Variants in MICU3 observed in about 807,000 individuals in gnomAD.
The protein encoded by MICU3 is mitochondrial calcium uptake 3.
In MICU3, 62 loss-of-function variants were observed where a neutral mutation model predicts 66.5. That is an observed-to-expected ratio of 0.93 (90% CI 0.76 to 1.15). The LOEUF (loss-of-function observed/expected upper bound fraction) is 1.15, where lower values mean the gene tolerates loss of function less well. Among genes scored for constraint, MICU3 ranks in the 50% most tolerant of loss-of-function variants. MICU3 has a pLI of 0.00. For missense variants in MICU3, 779 were observed against 664.4 expected (o/e 1.17, Z -1.90); for synonymous variants, 308 against 240.7 (o/e 1.28, Z -2.59).
chr8:17,058,049 C>A (rs1344082271), intron 1 of MICU3, among the ~76,000 whole-genome samples: 1 of 152,096 alleles, frequency 6.6e-6, no homozygotes, highest in East Asian at 1.9e-4. Flanking sequence ...GGGGTTTCAC[C>A]ATGTTGGCCA....
At chr8:17,119,357 G>C (rs1216430746) in intron 14 of MICU3, among the ~76,000 whole-genome samples, 3 of 151,864 alleles carry the variant, frequency 2.0e-5, no homozygotes, top group African/African-American at 4.8e-5. Context: ...TAATCTCCAA[G>C]CGAGGAGTTT....
intron 11 of MICU3, 123 bp downstream of exon 11, chr8:17,105,707 C>A: frequency 2.0e-6 from 1 of 498,944 alleles, no homozygotes; most frequent in Non-Finnish European, 3.5e-6. Context: ...GGATGTGTTT[C>A]ATTCTGTGTC....
chr8:17,116,713 G>A (rs1802716507), intron 13 of MICU3, 113 bp downstream of exon 13: 1 of 778,466 alleles, frequency 1.3e-6, no homozygotes, highest in Non-Finnish European at 1.9e-6. Context: ...AAACATGAAT[G>A]CTTTATTTGA....
At chr8:17,084,094 T>C (rs1202750515) in intron 5 of MICU3, among the ~76,000 whole-genome samples, 1 of 152,102 alleles carries the variant, frequency 6.6e-6, no homozygotes, top group Non-Finnish European at 1.5e-5. Flanking sequence ...TTGTTTACAT[T>C]AGAACTAAGA....
chr8:17,028,441 G>C (rs1563254810), intron 1 of MICU3, among the ~76,000 whole-genome samples: 1 of 152,184 alleles, frequency 6.6e-6, no homozygotes, highest in Non-Finnish European at 1.5e-5. Context: ...GTGAGTAAAG[G>C]AGCGTGATTT....
the MICU3 span, among the ~76,000 whole-genome samples, chr8:17,137,638 A>G: frequency 6.7e-6 from 1 of 149,024 alleles, no homozygotes; most frequent in South Asian, 2.1e-4. Context: ...GTGTGTAAGT[A>G]TGTCTAAGTT....
chr8:17,039,378 C>A (rs1177149208), intron 1 of MICU3, among the ~76,000 whole-genome samples: 1 of 152,112 alleles, frequency 6.6e-6, no homozygotes, highest in East Asian at 1.9e-4. Context: ...GTTACATAGA[C>A]ATGAAATTGA....
chr8:17,103,063 CAT>C (rs1283044970), intron 9 of MICU3, among the ~76,000 whole-genome samples: 3 of 151,924 alleles, frequency 2.0e-5, no homozygotes, highest in Non-Finnish European at 2.9e-5. Context: ...GTTTTTAAGA[CAT>C]GTGAATAATT....
intron 2 of MICU3, 51 bp downstream of exon 2, chr8:17,064,288 T>A: frequency 6.9e-7 from 1 of 1,459,504 alleles, no homozygotes; most frequent in African/African-American, 1.4e-5. Flanking sequence ...TTTTTATCTC[T>A]AGCTTGTGAA....
At chr8:17,031,831 T>C (rs139360491) in intron 1 of MICU3, among the ~76,000 whole-genome samples, 237 of 152,324 alleles carry the variant, frequency 1.6e-3, no homozygotes, top group African/African-American at 5.6e-3. Flanking sequence ...GTCAAAGACA[T>C]TGGCTCTCAA....
At chr8:17,127,227 A>G (rs1311277750), downstream of MICU3, among the ~76,000 whole-genome samples, 1 of 152,154 alleles carries the variant, frequency 6.6e-6, no homozygotes, top group Non-Finnish European at 1.5e-5. Flanking sequence ...TTTTTATGCC[A>G]TTGCTCTTTG....
chr8:17,036,519 C>T (rs892739606), intron 1 of MICU3, among the ~76,000 whole-genome samples: 1 of 152,116 alleles, frequency 6.6e-6, no homozygotes, highest in African/African-American at 2.4e-5. Flanking sequence ...GGTGCGTTTA[C>T]AATCCCTGAG....
At chr8:17,116,660 CATCT>C (rs1802708499) in intron 13 of MICU3, 60 bp downstream of exon 13, 1 of 1,187,960 alleles carries the variant, frequency 8.4e-7, no homozygotes, top group Admixed American at 2.8e-5. Context: ...GAAATCAATC[CATCT>C]AAGTTGAGAA....
At position 17,116,531 on chromosome 8, in the gene MICU3, C is replaced by A; in HGVS notation, c.1455C>A (p.Asp485Glu). The A allele has an allele frequency of 6.4e-7, 1 of 1,566,102 alleles. No individual in the cohort carries two copies. The highest frequency in any genetic ancestry group is 8.6e-7 in the Non-Finnish European group (1 of 1,162,868). The stretch of plus-strand genomic sequence containing the variant: ...CTGTCTTCAAGATTTTTGATGTTGA[C>A]AAAGATGATCAATTAAGTTATAAAG... ...VNTVFKIFDVDKDDQLSYKEF... is the reference protein window; with the variant it reads ...VNTVFKIFDVEKDDQLSYKEF... The change falls in exon 13 of 15, where the codon GAC becomes GAA. Residue 485 changes from aspartate (D) to glutamate (E), a missense_variant. By Grantham distance (45) the Asp-to-Glu change is conservative. Transcript: ENST00000318063.
chr8:17,110,745 G>GA (rs1249680562), intron 11 of MICU3, among the ~76,000 whole-genome samples: 2 of 151,560 alleles, frequency 1.3e-5, no homozygotes, highest in East Asian at 1.9e-4. Context: ...TTGGGGAGGG[G>GA]GGGGTAGAGA....
At position 17,064,236 on chromosome 8, in the gene MICU3, AG is replaced by A; in HGVS notation, c.535+1del. 1 of 1,604,034 alleles carries A rather than the reference AG, an allele frequency of 6.2e-7. No homozygotes were observed. Among genetic ancestry groups the A allele is most frequent in the South Asian group, 1.1e-5 (1 of 88,280 alleles). ...ILAVTTDEPK[V>X]AKTWKSLSKQ... is the part of the protein sequence containing the mutation. ...TGGCTGTTACAACAGATGAGCCCAA[AG>A]GTAAGTACACTTTTGAAATTATCTT... is the stretch of plus-strand genomic sequence containing the variant. On this transcript the variant is annotated frameshift_variant and splice_region_variant, in exon 2 of 15. Transcript: ENST00000318063. LOFTEE classifies it high-confidence loss of function.
At chr8:17,089,167 G>A (rs1173017126) in intron 7 of MICU3, among the ~76,000 whole-genome samples, 4 of 151,890 alleles carry the variant, frequency 2.6e-5, no homozygotes, top group African/African-American at 4.8e-5. Flanking sequence ...AACTTAAATA[G>A]CGCTTCTAAA....
At chr8:17,100,706 C>G (rs1801183592) in intron 9 of MICU3, among the ~76,000 whole-genome samples, 1 of 151,604 alleles carries the variant, frequency 6.6e-6, no homozygotes, top group Non-Finnish European at 1.5e-5. Flanking sequence ...CTGTTTCTAA[C>G]CATAGATTTT....
chr8:17,039,124 C>G (rs1813587742), intron 1 of MICU3, among the ~76,000 whole-genome samples: 1 of 152,036 alleles, frequency 6.6e-6, no homozygotes, highest in East Asian at 1.9e-4. Context: ...ATCATTAGCA[C>G]TTTTTTAGCA....
Sources: allele counts gnomAD v4.1 joint callset (sites outside exome capture counted in the v4.1 genomes callset), GRCh38; gene constraint gnomAD v4.1.1; transcripts MANE v1.5; gene names NCBI Gene and HGNC (gene_info 2026-07-23, HGNC 2026-07-21).